The following HERPUD1 variants were observed in gnomAD, a reference collection of about 807,000 sequenced individuals.
HERPUD1 encodes homocysteine-responsive endoplasmic reticulum-resident ubiquitin-like domain member 1 protein.
Under a neutral mutation model 45.0 loss-of-function variants are expected in HERPUD1, and 17 were observed. The ratio of observed to expected loss-of-function variants is 0.38; its 90% CI spans 0.26 to 0.57. The LOEUF is 0.57. Ranked by LOEUF, HERPUD1 falls within the 20% of genes least tolerant of loss-of-function variation. HERPUD1 has a pLI of 0.72. For missense variants in HERPUD1, 420 were observed against 490.5 expected, an observed-to-expected ratio of 0.86 and a Z score of 1.36; for synonymous variants, 164 against 177.5, an observed-to-expected ratio of 0.92 and a Z score of 0.61.
At chr16:56,940,600 C>T (rs960973362) in intron 6 of HERPUD1, among the ~76,000 whole-genome samples, 2 of 152,120 alleles carry the variant, frequency 1.3e-5, no homozygotes, top group Middle Eastern at 3.4e-3. Flanking sequence ...GCCACCACTG[C>T]GCCTGGCCAG....
intron 1 of HERPUD1, among the ~76,000 whole-genome samples, chr16:56,934,571 G>A (rs1243223640): frequency 1.3e-5 from 2 of 152,048 alleles, no homozygotes; most frequent in Non-Finnish European, 2.9e-5. Context: ...GGCCTTGGGA[G>A]TTCTCTGAGT....
rs143699210 is a variant in HERPUD1, at chr16:56,932,749, T to C, written c.147+358T>C. ...ATGAGGTTTCTGAACGCAGCCTCTC[T>C]GCAGGGAGAGGAGCGGGCAGGTGCC... On this transcript the variant is annotated intron_variant, in intron 1 of 7. Coordinates refer to ENST00000439977, the MANE Select transcript of HERPUD1 (RefSeq NM_014685.4). Among the ~76,000 whole-genome samples, 1,149 of 152,352 alleles carry C rather than the reference T, an allele frequency of 7.5e-3. 13 individuals are homozygous for C. Among genetic ancestry groups the C allele is most frequent in the African/African-American group, 0.026 (1,078 of 41,582 alleles).
intron 3 of HERPUD1, 64 bp downstream of exon 3, chr16:56,935,539 A>G: frequency 7.3e-7 from 1 of 1,366,378 alleles, no homozygotes; most frequent in Non-Finnish European, 1.0e-6. Context: ...GAGTAATAAA[A>G]GAAGTTGGAT....
At chr16:56,937,625 T>A (rs201229995) in intron 4 of HERPUD1, among the ~76,000 whole-genome samples, 146 of 137,660 alleles carry the variant, frequency 1.1e-3, no homozygotes, top group African/African-American at 3.0e-3. Flanking sequence ...CCCTTTTTTT[T>A]AAAAAAAGAG....
intron 5 of HERPUD1, 82 bp downstream of exon 5, chr16:56,939,441 A>C (rs920589397): frequency 1.8e-5 from 28 of 1,538,484 alleles, no homozygotes; most frequent in Admixed American, 1.4e-4. Flanking sequence ...TGTAAAGTTC[A>C]GAATGGAGGG....
Position 56,937,635 on chromosome 16 carries a change from G to A in HERPUD1, c.431+818G>A, listed in dbSNP as rs189353106. On this transcript the variant is annotated intron_variant, in intron 4 of 7. Transcript: ENST00000439977. ...CCTTTCCCTTTTTTTTAAAAAAAGA[G>A]TATTTAAAAGTAATTCCCAGGCATC... Among the ~76,000 whole-genome samples the A allele has an allele frequency of 3.3e-5, 5 of 151,228 alleles. 1 individual carries two copies. In the East Asian group the frequency reaches 9.7e-4, roughly 29 times the overall value.
Position 56,943,641 on chromosome 16 carries a change from G to A in HERPUD1, c.*351G>A. On this transcript the variant is annotated 3_prime_UTR_variant, in exon 8 of 8. Transcript: ENST00000439977. ...GTGTTTGTACATAGAAGTCATAGATGCAGAAGTGGTTCTGCTGGTACGATT... is the reference window on the plus strand; with the variant it reads ...GTGTTTGTACATAGAAGTCATAGATACAGAAGTGGTTCTGCTGGTACGATT... 1 of 413,292 alleles carries A rather than the reference G, an allele frequency of 2.4e-6. No homozygotes were observed. The highest frequency in any genetic ancestry group is 4.5e-6 in the Non-Finnish European group (1 of 219,870). The allele number at this position is 413,292 out of a possible 1,614,324, so 25.6% of individuals were successfully genotyped here. A position where few individuals can be genotyped will look rare whatever the true frequency, so the allele number is the denominator to read the frequency against.
At chr16:56,937,073 T>C in intron 4 of HERPUD1, 1 of 266,622 alleles carries the variant, frequency 3.8e-6, no homozygotes. Context: ...GTTTTATCCT[T>C]CCATTGTGCT....
chr16:56,940,281 C>T (rs1177262886), intron 6 of HERPUD1, 36 bp downstream of exon 6: 9 of 1,418,886 alleles, frequency 6.3e-6, no homozygotes, highest in South Asian at 4.8e-5. Flanking sequence ...AATTACACTA[C>T]ACTGTGTTCA....
At chr16:56,935,125 TGGG>T in intron 1 of HERPUD1, 107 bp from the exon 2 acceptor site, 1 of 729,288 alleles carries the variant, frequency 1.4e-6, no homozygotes, top group Non-Finnish European at 2.4e-6. Context: ...CCCGTGATGC[TGGG>T]GGGAAACACA....
rs879800426 is a variant in HERPUD1 at position 56,944,058 on chromosome 16, G to A, written c.*768G>A. ...TTGTTGGCGTTTTTGTTTTTGAGAT[G>A]GGGTCTTGCTTTGTTCCTTGGGCCA... On this transcript the variant is annotated 3_prime_UTR_variant, in exon 8 of 8. Transcript: ENST00000439977. 1 of 157,224 alleles carries A rather than the reference G, an allele frequency of 6.4e-6. No individual in the cohort carries two copies. Among genetic ancestry groups the A allele is most frequent in the Non-Finnish European group, 1.4e-5 (1 of 71,130 alleles). The allele number at this position is 157,224 out of a possible 1,614,324, so 9.7% of individuals were successfully genotyped here. A position where few individuals can be genotyped will look rare whatever the true frequency, so the allele number is the denominator to read the frequency against.
chr16:56,936,855 G>T (rs747393085), intron 4 of HERPUD1, 38 bp downstream of exon 4: 25 of 1,604,194 alleles, frequency 1.6e-5, no homozygotes, highest in Non-Finnish European at 2.0e-5. Flanking sequence ...TATGCAACAT[G>T]AATGTTCCTC....
intron 1 of HERPUD1, among the ~76,000 whole-genome samples, chr16:56,933,811 A>G (rs1269032008): frequency 6.6e-6 from 1 of 152,196 alleles, no homozygotes; most frequent in Non-Finnish European, 1.5e-5. Context: ...AAAAGGGGGA[A>G]AATAATTCAA....
In HERPUD1 at chr16:56,932,184, T is replaced by G; in HGVS notation, c.-61T>G. 1 of 1,579,528 alleles carries G rather than the reference T, an allele frequency of 6.3e-7. No homozygotes were observed. Among genetic ancestry groups the G allele is most frequent in the Non-Finnish European group, 8.6e-7 (1 of 1,169,272 alleles). On this transcript the variant is annotated 5_prime_UTR_variant, in exon 1 of 8. Coordinates refer to ENST00000439977, the MANE Select transcript of HERPUD1 (RefSeq NM_014685.4). ...TGTCGTTGCAGAGATTGCGGGCGGC[T>G]GAGACGCCGCCTGCCTGGCACCTAG...
chr16:56,937,743 A>G (rs1257062277), intron 4 of HERPUD1, among the ~76,000 whole-genome samples: 1 of 150,204 alleles, frequency 6.7e-6, no homozygotes, highest in African/African-American at 2.5e-5. Flanking sequence ...CCATTATCAG[A>G]TCTAACAGAA....
intron 1 of HERPUD1, among the ~76,000 whole-genome samples, chr16:56,933,706 A>G (rs2055844241): frequency 6.6e-6 from 1 of 152,224 alleles, no homozygotes; most frequent in Non-Finnish European, 1.5e-5. Flanking sequence ...AAATGGCATA[A>G]TATGAGAAGG....
chr16:56,936,974 T>G (rs568578766), intron 4 of HERPUD1, 157 bp downstream of exon 4: 10 of 686,464 alleles, frequency 1.5e-5, no homozygotes, highest in Non-Finnish European at 2.0e-5. Flanking sequence ...CTCTTATATA[T>G]TTAACTTTTC....
Position 56,943,518 on chromosome 16 carries a change from A to G in HERPUD1, c.*228A>G, listed in dbSNP as rs2055928090. The G allele has an allele frequency of 3.4e-6, 2 of 592,798 alleles. No individual in the cohort carries two copies. The highest frequency in any genetic ancestry group is 1.9e-5 in the South Asian group (1 of 53,708). The allele number at this position is 592,798 out of a possible 1,614,324, so 36.7% of individuals were successfully genotyped here. On this transcript the variant is annotated 3_prime_UTR_variant, in exon 8 of 8. Transcript: ENST00000439977. ...TGTCTTTATTCTGAAGAGCTTTAAT[A>G]TATACTCTATGTAGTTTAATAAGCA...
chr16:56,937,040 GA>G (rs113309114), intron 4 of HERPUD1: 977 of 305,490 alleles, frequency 3.2e-3, no homozygotes, highest in South Asian at 4.3e-3. Context: ...TGCATATATT[GA>G]AAAAAAAAAG....
Sources: gnomAD v4.1 joint callset for allele counts (sites outside exome capture counted in the v4.1 genomes callset) on GRCh38, gnomAD v4.1.1 for gene constraint, MANE v1.5 for transcripts, NCBI Gene and HGNC (gene_info 2026-07-23, HGNC 2026-07-21) for gene names.